The following KIF6 variants were observed in gnomAD, a reference collection of about 807,000 sequenced individuals.
The protein encoded by KIF6 is kinesin family member 6, also known as kinesin-like protein KIF6.
A neutral mutation model predicts 112.7 loss-of-function variants in KIF6; 106 were observed. That is an observed-to-expected ratio of 0.94 (90% CI 0.80 to 1.11). The LOEUF is 1.11. Ranked by LOEUF, KIF6 falls within the 50% of genes least tolerant of loss-of-function variation. KIF6 has a pLI of 0.00. For missense variants in KIF6, 929 were observed against 964.0 expected (o/e 0.96, Z 0.48); for synonymous variants, 339 against 339.9 (o/e 1.00, Z 0.03).
chr6:39,448,765 C>A (rs992362959), intron 13 of KIF6, among the ~76,000 whole-genome samples: 1 of 152,182 alleles, frequency 6.6e-6, no homozygotes, highest in Non-Finnish European at 1.5e-5. Flanking sequence ...CAAATGGCTC[C>A]AAAATGACTT....
intron 10 of KIF6, among the ~76,000 whole-genome samples, chr6:39,552,146 G>A (rs567368692): frequency 4.6e-5 from 7 of 152,220 alleles, no homozygotes; most frequent in South Asian, 2.1e-4. Context: ...TTTTCAGTTC[G>A]GAACACCAAA....
chr6:39,500,781 G>C (rs1483925966), intron 13 of KIF6, among the ~76,000 whole-genome samples: 2 of 152,060 alleles, frequency 1.3e-5, no homozygotes, highest in Non-Finnish European at 1.5e-5. Context: ...GTTCAAGAGA[G>C]AAGCAGAGAG....
At chr6:39,537,514 G>A (rs1298932420) in intron 13 of KIF6, among the ~76,000 whole-genome samples, 371 of 151,940 alleles carry the variant, frequency 2.4e-3, no homozygotes, top group Non-Finnish European at 4.0e-3. Context: ...TACAAGGGAT[G>A]TGAAGGACCT....
chr6:39,399,949 A>C (rs769372885), intron 15 of KIF6, among the ~76,000 whole-genome samples: 6 of 152,244 alleles, frequency 3.9e-5, no homozygotes, highest in Non-Finnish European at 7.3e-5. Context: ...CCCAGCAGGC[A>C]GCAGCCCCTA....
intron 13 of KIF6, among the ~76,000 whole-genome samples, chr6:39,511,403 C>T (rs1776771132): frequency 6.6e-6 from 1 of 152,190 alleles, no homozygotes; most frequent in African/African-American, 2.4e-5. Context: ...TACCATCTCA[C>T]ACCAGTTAGA....
chr6:39,718,129 C>T (rs757072868), intron 2 of KIF6, among the ~76,000 whole-genome samples: 2 of 147,034 alleles, frequency 1.4e-5, no homozygotes, highest in Non-Finnish European at 3.0e-5. Flanking sequence ...ACTCAGGAGG[C>T]TGAGGAAGGA....
intron 13 of KIF6, among the ~76,000 whole-genome samples, chr6:39,433,684 C>A (rs1021853350): frequency 1.3e-5 from 2 of 152,118 alleles, no homozygotes; most frequent in African/African-American, 2.4e-5. Flanking sequence ...CTCAGGGAGG[C>A]CAAGGTGAGG....
At position 39,584,417 on chromosome 6, in the gene KIF6, TAAAAAAA is replaced by T. The variant is rs61215070; in HGVS notation, c.1077+474_1077+480del. The stretch of plus-strand genomic sequence containing the variant: ...TCCAGCCTGAGCAAGACTCTGTCTC[TAAAAAAA>T]AAAAAAAAAAAAAAAAAAAAAAAAA... On this transcript the variant is annotated intron_variant, in intron 9 of 22. Coordinates refer to ENST00000287152, the MANE Select transcript of KIF6 (RefSeq NM_145027.6). Among the ~76,000 whole-genome samples the T allele has an allele frequency of 4.0e-3, 186 of 46,058 alleles. 2 individuals are homozygous for T. Among genetic ancestry groups the T allele is most frequent in the Non-Finnish European group, 7.1e-3 (114 of 16,104 alleles). 30.2% of individuals were successfully genotyped at this position (46,058 alleles called of 152,430 possible).
At chr6:39,505,502 G>T (rs1239363404) in intron 13 of KIF6, among the ~76,000 whole-genome samples, 1 of 152,128 alleles carries the variant, frequency 6.6e-6, no homozygotes, top group Non-Finnish European at 1.5e-5. Flanking sequence ...TTGACAAATG[G>T]GGTCTAATTA....
At chr6:39,509,337 C>A (rs1776631802) in intron 13 of KIF6, among the ~76,000 whole-genome samples, 1 of 152,224 alleles carries the variant, frequency 6.6e-6, no homozygotes, top group Non-Finnish European at 1.5e-5. Context: ...CAAAGGAACA[C>A]AACTCCTCTC....
At position 39,609,310 on chromosome 6, in the gene KIF6, G is replaced by A. The variant is rs115030156; in HGVS notation, c.639+3879C>T. ...CCCGGACTTTCCCAAAGTCGGCACCGAGTGTTCCTTTCTCACCAAAGGTCC... is the reference window on the plus strand; with the variant it reads ...CCCGGACTTTCCCAAAGTCGGCACCAAGTGTTCCTTTCTCACCAAAGGTCC... On this transcript the variant is annotated intron_variant, in intron 6 of 22. Transcript: ENST00000287152. 4.6e-3 allele frequency among the ~76,000 whole-genome samples: 694 copies of A among 152,238 alleles called. 5 individuals are homozygous for A. Among genetic ancestry groups the A allele is most frequent in the African/African-American group, 0.016 (647 of 41,536 alleles).
At chr6:39,599,787 T>A (rs1429559976) in intron 6 of KIF6, among the ~76,000 whole-genome samples, 3 of 152,178 alleles carry the variant, frequency 2.0e-5, no homozygotes, top group Non-Finnish European at 4.4e-5. Context: ...TCAACAGCTG[T>A]CTTTAGCTTC....
chr6:39,345,995 C>T (rs1006680638), intron 20 of KIF6, among the ~76,000 whole-genome samples: 4 of 145,698 alleles, frequency 2.7e-5, no homozygotes, highest in African/African-American at 1.0e-4. Context: ...GGTAGGGCCC[C>T]TGCACTGGGA....
At chr6:39,447,986 C>A (rs190636730) in intron 13 of KIF6, among the ~76,000 whole-genome samples, 1 of 152,072 alleles carries the variant, frequency 6.6e-6, no homozygotes, top group Admixed American at 6.6e-5. Flanking sequence ...GGGCTGTGAG[C>A]GGCAGTGATA....
chr6:39,635,877 C>T (rs1296097884), intron 4 of KIF6, among the ~76,000 whole-genome samples: 3 of 152,026 alleles, frequency 2.0e-5, no homozygotes, highest in Non-Finnish European at 2.9e-5. Context: ...TATTATCATG[C>T]TTCTCATAAG....
intron 5 of KIF6, chr6:39,617,871 G>T: frequency 2.7e-6 from 1 of 371,888 alleles, no homozygotes; most frequent in Non-Finnish European, 5.6e-6. Context: ...TGTAAACATA[G>T]TCCCAACACA....
intron 3 of KIF6, among the ~76,000 whole-genome samples, chr6:39,708,757 T>G (rs1324228588): frequency 6.6e-6 from 1 of 152,110 alleles, no homozygotes; most frequent in African/African-American, 2.4e-5. Context: ...TTCATAGTTT[T>G]CCTCCCTAAG....
chr6:39,472,067 T>C (rs1774146547), intron 13 of KIF6, among the ~76,000 whole-genome samples: 1 of 152,134 alleles, frequency 6.6e-6, no homozygotes, highest in Admixed American at 6.5e-5. Context: ...AACTTGCACC[T>C]TTCCCTTCAC....
intron 13 of KIF6, among the ~76,000 whole-genome samples, chr6:39,511,958 G>A (rs113310323): frequency 0.026 from 3,999 of 152,300 alleles, 92 homozygotes; most frequent in Non-Finnish European, 0.037. Flanking sequence ...GTGGGGGACT[G>A]GGGGAGAGAT....
Sources: gnomAD v4.1 joint callset for allele counts (sites outside exome capture counted in the v4.1 genomes callset) on GRCh38, gnomAD v4.1.1 for gene constraint, MANE v1.5 for transcripts, NCBI Gene and HGNC (gene_info 2026-07-23, HGNC 2026-07-21) for gene names.